The following SV2B variants were observed in gnomAD, a reference collection of about 807,000 sequenced individuals.
SV2B encodes the protein synaptic vesicle glycoprotein 2B.
A neutral mutation model predicts 73.9 loss-of-function variants in SV2B; 41 were observed. The observed-to-expected ratio is 0.56, with a 90% CI of 0.43 to 0.72. The LOEUF is 0.72. Among genes scored for constraint, SV2B ranks in the 30% least tolerant of loss-of-function variants. The pLI, the probability that SV2B is intolerant of heterozygous loss-of-function variation, is 0.00. For missense variants in SV2B, 764 were observed against 857.8 expected (o/e 0.89, Z 1.37); for synonymous variants, 314 against 314.2 (o/e 1.00, Z 0.01).
In SV2B at chr15:91,252,211, G is replaced by T. The variant is rs538491816; in HGVS notation, c.633-158G>T. Among the ~76,000 whole-genome samples, 1 of 152,228 alleles carries T rather than the reference G, an allele frequency of 6.6e-6. No homozygotes were observed. Among genetic ancestry groups the T allele is most frequent in the Non-Finnish European group, 1.5e-5 (1 of 68,040 alleles). The stretch of plus-strand genomic sequence containing the variant: ...TGCAATGTCAAAATAATCCAAGACT[G>T]CTTCCCACATGTAGAGAGGAACTAA... On this transcript the variant is annotated intron_variant, in intron 3 of 12. Transcript: ENST00000394232. The surrounding 1 kb of genome is among the most constrained non-coding windows in gnomAD (Gnocchi z 4.6).
rs1486302993 is a variant in SV2B, at chr15:91,118,538, C to T, written c.-392+18175C>T. Among the ~76,000 whole-genome samples the T allele has an allele frequency of 6.6e-6, 1 of 152,142 alleles. No individual in the cohort carries two copies. Among genetic ancestry groups the T allele is most frequent in the African/African-American group, 2.4e-5 (1 of 41,418 alleles). On this transcript the variant is annotated intron_variant, in intron 1 of 12. Coordinates refer to ENST00000394232, the MANE Select transcript of SV2B (RefSeq NM_001323032.3). This position sits in a 1 kb window ranked among gnomAD's most constrained non-coding sequence, Gnocchi z 4.7. ...GAGGAGCAGGAGCCCCAGGGCTGTCCAGGCTCAATCACAAAAGGAGGAAAT... is the reference window on the plus strand; with the variant it reads ...GAGGAGCAGGAGCCCCAGGGCTGTCTAGGCTCAATCACAAAAGGAGGAAAT...
At position 91,253,704 on chromosome 15, in the gene SV2B, A is replaced by G. The variant is rs1234988400; in HGVS notation, c.784+1184A>G. Among the ~76,000 whole-genome samples, 1 of 152,250 alleles carries G rather than the reference A, an allele frequency of 6.6e-6. No homozygotes were observed. Among genetic ancestry groups the G allele is most frequent in the Non-Finnish European group, 1.5e-5 (1 of 68,042 alleles). On this transcript the variant is annotated intron_variant, in intron 4 of 12. Coordinates refer to ENST00000394232, the MANE Select transcript of SV2B (RefSeq NM_001323032.3). This position sits in a 1 kb window ranked among gnomAD's most constrained non-coding sequence, Gnocchi z 5.0. ...CTTACAAGGTCTCCGGTTTGGGGAA[A>G]GAGAATGGGCAGTTGTAGATTGGCT...
intron 6 of SV2B, among the ~76,000 whole-genome samples, chr15:91,263,467 GAC>G (rs1482321403): frequency 6.8e-6 from 1 of 146,830 alleles, no homozygotes; most frequent in East Asian, 2.0e-4. Flanking sequence ...GGAACATACG[GAC>G]ACACAGGGAC....
intron 1 of SV2B, among the ~76,000 whole-genome samples, chr15:91,174,153 C>T (rs183400059): frequency 1.3e-5 from 2 of 152,336 alleles, no homozygotes; most frequent in Non-Finnish European, 2.9e-5. Flanking sequence ...CCTTTAGCAA[C>T]TCCAATTCTG....
At chr15:91,186,089 G>A (rs1464015276) in intron 1 of SV2B, among the ~76,000 whole-genome samples, 1 of 152,128 alleles carries the variant, frequency 6.6e-6, no homozygotes, top group Non-Finnish European at 1.5e-5. Flanking sequence ...TCTCTGAATA[G>A]GGGTGTGAAT....
At chr15:91,199,957 G>A (rs908599128) in intron 1 of SV2B, among the ~76,000 whole-genome samples, 2 of 152,154 alleles carry the variant, frequency 1.3e-5, no homozygotes, top group African/African-American at 2.4e-5. Context: ...GGACTGCCCC[G>A]CAGAGAGGCA....
rs145260295 is a variant in SV2B at position 91,301,618 on chromosome 15, C to A, written c.*9066C>A. Among the ~76,000 whole-genome samples, 43 of 152,088 alleles carry A rather than the reference C, an allele frequency of 2.8e-4. No individual in the cohort carries two copies. The highest frequency in any genetic ancestry group is 9.9e-4 in the African/African-American group (41 of 41,540). ...CCTAATGAGTAAGTGTTATTTTCTT[C>A]CCTTTAGAAGTGGGGAAACTGGAAC... On this transcript the variant is annotated 3_prime_UTR_variant, in exon 13 of 13. Transcript: ENST00000394232. This position sits in a 1 kb window ranked among gnomAD's most constrained non-coding sequence, Gnocchi z 4.3.
At chr15:91,198,384 A>C (rs2045330499) in intron 1 of SV2B, among the ~76,000 whole-genome samples, 1 of 151,990 alleles carries the variant, frequency 6.6e-6, no homozygotes, top group South Asian at 2.1e-4. Flanking sequence ...TACCTTCGGC[A>C]CTGAACGGAT....
intron 2 of SV2B, among the ~76,000 whole-genome samples, chr15:91,244,909 G>C (rs1238755140): frequency 6.6e-6 from 1 of 152,200 alleles, no homozygotes; most frequent in Non-Finnish European, 1.5e-5. Context: ...ATAAATATTT[G>C]AGTCACTGCA....
rs142874217 is a variant in SV2B, at chr15:91,204,015, C to G, written c.-391-21858C>G. On this transcript the variant is annotated intron_variant, in intron 1 of 12. Transcript: ENST00000394232. Reference sequence around the variant, plus strand: ...TCAAACTTGTTCAGTTCTGATCAGTCGAAATAATTGAGCCCTGGTTGGGTG... The same window carrying G: ...TCAAACTTGTTCAGTTCTGATCAGTGGAAATAATTGAGCCCTGGTTGGGTG... Among the ~76,000 whole-genome samples, 787 of 152,258 alleles carry G rather than the reference C, an allele frequency of 5.2e-3. 8 individuals carry two copies. Among genetic ancestry groups the G allele is most frequent in the African/African-American group, 0.018 (755 of 41,540 alleles).
intron 1 of SV2B, among the ~76,000 whole-genome samples, chr15:91,146,621 C>T: frequency 6.6e-6 from 1 of 152,140 alleles, no homozygotes; most frequent in Non-Finnish European, 1.5e-5. Context: ...TCTGATTTCT[C>T]TGAGTAGTAT....
chr15:91,207,717 C>T (rs1356856106), intron 1 of SV2B, among the ~76,000 whole-genome samples: 3 of 152,136 alleles, frequency 2.0e-5, no homozygotes, highest in Non-Finnish European at 2.9e-5. Context: ...GAAATCATGA[C>T]CCAGAGAAAC....
At position 91,168,501 on chromosome 15, in the gene SV2B, G is replaced by T. The variant is rs542689111; in HGVS notation, c.-391-57372G>T. Among the ~76,000 whole-genome samples, 4 of 152,204 alleles carry T rather than the reference G, an allele frequency of 2.6e-5. No individual in the cohort carries two copies. In the East Asian group the frequency reaches 7.7e-4, roughly 29 times the overall value. ...TGAGACAAGGCCAGCAGAGGAAAAA[G>T]GGAGAAAAAGGGGATACCTCCCACA... On this transcript the variant is annotated intron_variant, in intron 1 of 12. Coordinates refer to ENST00000394232, the MANE Select transcript of SV2B (RefSeq NM_001323032.3).
At chr15:91,149,960 C>G (rs1433440831) in intron 1 of SV2B, among the ~76,000 whole-genome samples, 2 of 152,136 alleles carry the variant, frequency 1.3e-5, no homozygotes, top group Non-Finnish European at 2.9e-5. Context: ...GTAGCGCTGA[C>G]CCTCTGATAT....
rs1361558029 is a variant in SV2B at position 91,136,162 on chromosome 15, A to G, written c.-392+35799A>G. Among the ~76,000 whole-genome samples the G allele has an allele frequency of 6.6e-6, 1 of 152,232 alleles. No homozygotes were observed. Among genetic ancestry groups the G allele is most frequent in the Admixed American group, 6.5e-5 (1 of 15,294 alleles). Reference sequence around the variant, plus strand: ...AGACTCCTAGGGATCTGGGAATCCCAGATTAAATGCCACTGGTCTCTGATA... The same window carrying G: ...AGACTCCTAGGGATCTGGGAATCCCGGATTAAATGCCACTGGTCTCTGATA... On this transcript the variant is annotated intron_variant, in intron 1 of 12. Transcript: ENST00000394232. This position sits in a 1 kb window ranked among gnomAD's most constrained non-coding sequence, Gnocchi z 5.6.
At chr15:91,260,573 A>G (rs1022055712) in intron 6 of SV2B, among the ~76,000 whole-genome samples, 164 bp downstream of exon 6, 2 of 152,224 alleles carry the variant, frequency 1.3e-5, no homozygotes, top group South Asian at 4.1e-4. Context: ...TTTGATGGAT[A>G]TCCTTTGAGG....
At position 91,239,313 on chromosome 15, in the gene SV2B, G is replaced by A. The variant is rs2046912926; in HGVS notation, c.452-12506G>A. Among the ~76,000 whole-genome samples the A allele has an allele frequency of 2.6e-5, 4 of 151,906 alleles. No homozygotes were observed. In the South Asian group the frequency reaches 8.3e-4, roughly 32 times the overall value. Reference sequence around the variant, plus strand: ...GCAGAAAATAGTCCAAAGAAGTTTTGTCCTTGCCTTGTCCTCTCTGCCTCA... The same window carrying A: ...GCAGAAAATAGTCCAAAGAAGTTTTATCCTTGCCTTGTCCTCTCTGCCTCA... On this transcript the variant is annotated intron_variant, in intron 2 of 12. Transcript: ENST00000394232. The surrounding 1 kb of genome is among the most constrained non-coding windows in gnomAD (Gnocchi z 5.1).
intron 1 of SV2B, among the ~76,000 whole-genome samples, chr15:91,178,240 G>C (rs933910135): frequency 6.6e-6 from 1 of 151,388 alleles, no homozygotes; most frequent in Non-Finnish European, 1.5e-5. Flanking sequence ...CAGGGATGAA[G>C]CCCACTTGAT....
In SV2B at chr15:91,130,837, T is replaced by C. The variant is rs1000688356; in HGVS notation, c.-392+30474T>C. Among the ~76,000 whole-genome samples, 29 of 151,962 alleles carry C rather than the reference T, an allele frequency of 1.9e-4. No homozygotes were observed. Among genetic ancestry groups the C allele is most frequent in the Admixed American group, 1.3e-4 (2 of 15,270 alleles). ...TTGTAGGAAAGAGGATTGAAGGAAATGTCTTTAGGATGTGTGATATTTTAG... is the reference window on the plus strand; with the variant it reads ...TTGTAGGAAAGAGGATTGAAGGAAACGTCTTTAGGATGTGTGATATTTTAG... On this transcript the variant is annotated intron_variant, in intron 1 of 12. Transcript: ENST00000394232. This position sits in a 1 kb window ranked among gnomAD's most constrained non-coding sequence, Gnocchi z 5.6.
Sources: gnomAD v4.1 joint callset for allele counts (sites outside exome capture counted in the v4.1 genomes callset) on GRCh38, gnomAD v4.1.1 for gene constraint, Gnocchi (gnomAD v3.1) non-coding constraint, MANE v1.5 for transcripts, NCBI Gene and HGNC (gene_info 2026-07-23, HGNC 2026-07-21) for gene names.